ABR: variants seen among roughly 807,000 people sequenced by gnomAD.
ABR encodes active breakpoint cluster region-related protein.
In ABR, 35 loss-of-function variants were observed where a neutral mutation model predicts 107.2. That is an observed-to-expected ratio of 0.33 (90% CI 0.25 to 0.43). ABR has a LOEUF of 0.43. Ranked by LOEUF, ABR falls within the 20% of genes least tolerant of loss-of-function variation. The pLI, the probability that ABR is intolerant of heterozygous loss-of-function variation, is 1.00. For missense variants in ABR, 815 were observed against 1,115.2 expected (o/e 0.73, Z 3.83); for synonymous variants, 498 against 462.0 (o/e 1.08, Z -1.00).
chr17:1,163,440 G>C (rs111756912), intron 1 of ABR, among the ~76,000 whole-genome samples: 4,953 of 152,278 alleles, frequency 0.033, 242 homozygotes, highest in African/African-American at 0.1. Context: ...GACGCATCCA[G>C]GTGGGACCCT....
At chr17:1,211,195 C>G (rs1452464830) in intron 1 of ABR, among the ~76,000 whole-genome samples, 7 of 152,172 alleles carry the variant, frequency 4.6e-5, no homozygotes. Context: ...AGGAGAATTG[C>G]TTGAGCCCAG....
chr17:1,170,016 GGT>G (rs2041651412), intron 1 of ABR, among the ~76,000 whole-genome samples: 30 of 97,736 alleles, frequency 3.1e-4, no homozygotes, highest in African/African-American at 9.6e-4. Flanking sequence ...GTGGGGGGGG[GGT>G]GTGTTTGTGT....
chr17:1,109,812 G>A (rs1000635811), intron 2 of ABR, among the ~76,000 whole-genome samples: 1 of 152,020 alleles, frequency 6.6e-6, no homozygotes, highest in African/African-American at 2.4e-5. Context: ...GCACAGGAGC[G>A]GTGGGCGTCC....
chr17:1,203,072 G>C (rs969793634), intron 1 of ABR, among the ~76,000 whole-genome samples: 2 of 152,074 alleles, frequency 1.3e-5, no homozygotes, highest in Non-Finnish European at 2.9e-5. Context: ...TTTTAGTAGC[G>C]ACGAGGTTTC....
chr17:1,024,828 A>C (rs1389077584), intron 16 of ABR, among the ~76,000 whole-genome samples: 1 of 151,206 alleles, frequency 6.6e-6, no homozygotes, highest in African/African-American at 2.4e-5. Flanking sequence ...CAAAATTCAA[A>C]ACACATTTAG....
chr17:1,101,715 G>T (rs1373335799), intron 2 of ABR, among the ~76,000 whole-genome samples: 1 of 152,044 alleles, frequency 6.6e-6, no homozygotes, highest in Non-Finnish European at 1.5e-5. Flanking sequence ...GACTCTAGTG[G>T]GAAAGACATT....
intron 16 of ABR, among the ~76,000 whole-genome samples, chr17:1,034,244 C>T (rs2073008934): frequency 6.6e-6 from 1 of 152,096 alleles, no homozygotes; most frequent in Non-Finnish European, 1.5e-5. Context: ...TGAACCACTG[C>T]ACCTGGCCCC....
At chr17:1,142,866 C>T (rs2040346610) in intron 1 of ABR, among the ~76,000 whole-genome samples, 2 of 152,172 alleles carry the variant, frequency 1.3e-5, no homozygotes, top group Admixed American at 1.3e-4. Flanking sequence ...CAGACAGCGC[C>T]ACCCTCACCC....
intron 16 of ABR, among the ~76,000 whole-genome samples, chr17:1,048,250 C>T (rs1435255196): frequency 6.6e-6 from 1 of 152,226 alleles, no homozygotes; most frequent in Non-Finnish European, 1.5e-5. Context: ...AGGGTGCAGA[C>T]CCCACAGCAT....
chr17:1,025,134 A>AAAAAAAAAAAAAAAAAAAC (rs2072085184), intron 16 of ABR, among the ~76,000 whole-genome samples: 1 of 144,022 alleles, frequency 6.9e-6, no homozygotes, highest in Non-Finnish European at 1.5e-5. Flanking sequence ...AAAAAAAAAA[A>AAAAAAAAAAAAAAAAAAAC]AAAATACAAA....
rs539391744 is a variant in ABR, at chr17:1,114,730, G to A, written c.246+10453C>T. Among the ~76,000 whole-genome samples the A allele has an allele frequency of 1.7e-4, 26 of 151,848 alleles. No homozygotes were observed. The South Asian group carries it at 5.0e-3, about 29-fold the overall frequency. On this transcript the variant is annotated intron_variant, in intron 2 of 22. Coordinates refer to ENST00000302538, the MANE Select transcript of ABR (RefSeq NM_021962.5). ...GGAGGTTGCAGTGAGCCGAGATCGC[G>A]CCACTGCACTCCAGCCTGGGTGACA...
intron 2 of ABR, 32 bp from the exon 3 acceptor site, chr17:1,100,767 A>C: frequency 6.8e-6 from 11 of 1,608,752 alleles, no homozygotes; most frequent in Non-Finnish European, 9.4e-6. Flanking sequence ...CCAACAGCTC[A>C]TGAGCAAGGA....
chr17:1,067,271 C>T, intron 9 of ABR, 29 bp from the exon 10 acceptor site: 2 of 1,541,394 alleles, frequency 1.3e-6, no homozygotes, highest in Non-Finnish European at 8.7e-7. Flanking sequence ...GAGCCATGAG[C>T]CAGAGGGAGC....
chr17:1,178,103 G>A (rs2041977237), intron 1 of ABR: 1 of 152,432 alleles, frequency 6.6e-6, no homozygotes, highest in Non-Finnish European at 1.5e-5. Context: ...GAGGAGGCGG[G>A]TGGAGAAGAA....
chr17:1,110,018 C>T (rs1300997067), intron 2 of ABR, among the ~76,000 whole-genome samples: 1 of 147,140 alleles, frequency 6.8e-6, no homozygotes, highest in Non-Finnish European at 1.5e-5. Context: ...CACCTACTCA[C>T]AGGCACTGCT....
At position 1,056,088 on chromosome 17, in the gene ABR, T is replaced by G; in HGVS notation, c.1508A>C (p.Tyr503Ser). 1 of 1,614,132 alleles carries G rather than the reference T, an allele frequency of 6.2e-7. No individual in the cohort carries two copies. The highest frequency in any genetic ancestry group is 1.1e-5 in the South Asian group (1 of 91,072). ...NKDDDESPGL[Y>S]GFLHVIVHSA... ...GTGGACGATGACATGAAGGAAGCCATAGAGTCCTGGAGACTCATCGTCTGC... is the reference window on the plus strand; with the variant it reads ...GTGGACGATGACATGAAGGAAGCCAGAGAGTCCTGGAGACTCATCGTCTGC... The change falls in exon 14 of 23, where the codon TAT becomes TCT. Residue 503 changes from tyrosine to serine, a missense_variant. Physicochemically the swap from Tyr to Ser is moderately radical, Grantham distance 144. Transcript: ENST00000302538.
At chr17:1,156,046 G>C (rs1157019509) in intron 1 of ABR, 1 of 152,058 alleles carries the variant, frequency 6.6e-6, no homozygotes, top group Non-Finnish European at 1.5e-5. Flanking sequence ...GCTCACCGTG[G>C]AGCACAGTGT....
chr17:1,013,269 CG>C, intron 16 of ABR, 105 bp from the exon 17 acceptor site: 1 of 1,099,974 alleles, frequency 9.1e-7, no homozygotes, highest in Non-Finnish European at 1.4e-6. Flanking sequence ...GTCAGGAAGG[CG>C]GAAGTGAGCA....
chr17:1,026,346 G>A (rs1027446297), intron 16 of ABR, among the ~76,000 whole-genome samples: 13 of 152,244 alleles, frequency 8.5e-5, no homozygotes, highest in African/African-American at 2.2e-4. Context: ...AGGCCTCCCC[G>A]AGCACAGCCA....
Sources: gnomAD v4.1 joint callset for allele counts (sites outside exome capture counted in the v4.1 genomes callset) on GRCh38, gnomAD v4.1.1 for gene constraint, MANE v1.5 for transcripts, NCBI Gene and HGNC (gene_info 2026-07-23, HGNC 2026-07-21) for gene names.